RNF220: variants seen among roughly 807,000 people sequenced by gnomAD.
The protein encoded by RNF220 is E3 ubiquitin-protein ligase RNF220.
A neutral mutation model predicts 67.1 loss-of-function variants in RNF220; 7 were observed. The ratio of observed to expected loss-of-function variants is 0.10; its 90% CI spans 0.06 to 0.20. The LOEUF (loss-of-function observed/expected upper bound fraction) is 0.20. Among genes scored for constraint, RNF220 ranks in the 10% least tolerant of loss-of-function variants. The pLI is 1.00. For synonymous variants in RNF220, 270 were observed against 283.2 expected, an observed-to-expected ratio of 0.95 and a Z score of 0.47; for missense variants, 565 against 740.3, an observed-to-expected ratio of 0.76 and a Z score of 2.75.
chr1:44,555,467 A>G (rs552336572), intron 2 of RNF220, among the ~76,000 whole-genome samples: 1 of 151,736 alleles, frequency 6.6e-6, no homozygotes, highest in East Asian at 2.0e-4. Flanking sequence ...GTACCAATTT[A>G]TGTATTTATT....
At chr1:44,560,264 G>A (rs1033964772) in intron 2 of RNF220, among the ~76,000 whole-genome samples, 4 of 152,080 alleles carry the variant, frequency 2.6e-5, no homozygotes, top group African/African-American at 7.2e-5. Flanking sequence ...AAATTCTACC[G>A]CTCTCCCCAG....
intron 8 of RNF220, chr1:44,644,142 T>G (rs1033939854): frequency 6.4e-6 from 1 of 155,876 alleles, no homozygotes; most frequent in African/African-American, 2.4e-5. Flanking sequence ...ATAATTAATG[T>G]CAGGCGCTTC....
At chr1:44,518,231 G>A (rs1014649197) in intron 2 of RNF220, among the ~76,000 whole-genome samples, 3 of 151,908 alleles carry the variant, frequency 2.0e-5, no homozygotes, top group Admixed American at 6.6e-5. Context: ...TTCGAGAATA[G>A]CCTGGGCAAC....
rs889670678 is a variant in RNF220 at position 44,606,855 on chromosome 1, T to C, written c.626-7310T>C. Among the ~76,000 whole-genome samples, 1 of 152,170 alleles carries C rather than the reference T, an allele frequency of 6.6e-6. No individual in the cohort carries two copies. The highest frequency in any genetic ancestry group is 6.5e-5 in the Admixed American group (1 of 15,278). On this transcript the variant is annotated intron_variant, in intron 2 of 14. Transcript: ENST00000361799. The surrounding 1 kb of genome is among the most constrained non-coding windows in gnomAD (Gnocchi z 4.2). ...AGCTTCGGTGCTCTATGTCAATGTC[T>C]CCCGGGTCTAGAACTCTAGCTCTGG...
At chr1:44,515,666 G>C (rs1233431254) in intron 2 of RNF220, among the ~76,000 whole-genome samples, 3 of 152,140 alleles carry the variant, frequency 2.0e-5, no homozygotes, top group Admixed American at 6.5e-5. Context: ...TGCCAGTATA[G>C]GGGAAAATGG....
chr1:44,530,346 T>C (rs1225598748), intron 2 of RNF220, among the ~76,000 whole-genome samples: 2 of 152,134 alleles, frequency 1.3e-5, no homozygotes, highest in Non-Finnish European at 2.9e-5. Flanking sequence ...CCACTGTGGG[T>C]CACCACCACA....
chr1:44,498,620 C>T (rs1014430114), intron 2 of RNF220, among the ~76,000 whole-genome samples: 1 of 152,140 alleles, frequency 6.6e-6, no homozygotes, highest in African/African-American at 2.4e-5. Context: ...AGACCTGCTG[C>T]CCTCATCTGA....
At chr1:44,625,935 A>G (rs1643926695) in intron 4 of RNF220, among the ~76,000 whole-genome samples, 1 of 152,120 alleles carries the variant, frequency 6.6e-6, no homozygotes, top group South Asian at 2.1e-4. Context: ...GGTAGCGGGT[A>G]TATGGCTTTA....
At chr1:44,579,177 A>G (rs1251300844) in intron 2 of RNF220, among the ~76,000 whole-genome samples, 1 of 151,906 alleles carries the variant, frequency 6.6e-6, no homozygotes, top group Admixed American at 6.6e-5. Flanking sequence ...AAAGAAAAAG[A>G]AAGAAAGAAA....
At chr1:44,521,577 G>T (rs554908772) in intron 2 of RNF220, among the ~76,000 whole-genome samples, 1 of 152,234 alleles carries the variant, frequency 6.6e-6, no homozygotes, top group Middle Eastern at 3.4e-3. Context: ...TGTGGGTGTG[G>T]GTGGGGGCAG....
chr1:44,601,559 A>G (rs1666920381), intron 2 of RNF220, among the ~76,000 whole-genome samples: 1 of 152,152 alleles, frequency 6.6e-6, no homozygotes, highest in Admixed American at 6.5e-5. Flanking sequence ...ATTAGGCTAA[A>G]GTAGGAGGAT....
chr1:44,478,644 C>T (rs900154442), intron 2 of RNF220, among the ~76,000 whole-genome samples: 3 of 152,042 alleles, frequency 2.0e-5, no homozygotes, highest in Admixed American at 6.5e-5. Flanking sequence ...ATCACTTGAA[C>T]CTGGGAGGCA....
At chr1:44,633,153 T>G (rs1376323851) in intron 6 of RNF220, among the ~76,000 whole-genome samples, 2 of 152,226 alleles carry the variant, frequency 1.3e-5, no homozygotes, top group Non-Finnish European at 2.9e-5. Flanking sequence ...TCACTTGGTT[T>G]CTGCTGCCAG....
chr1:44,418,841 A>G (rs1311260305), intron 2 of RNF220, among the ~76,000 whole-genome samples: 2 of 152,164 alleles, frequency 1.3e-5, no homozygotes, highest in African/African-American at 4.8e-5. Flanking sequence ...TTCTTTGTAA[A>G]TAATTGAGAT....
At position 44,651,021 on chromosome 1, in the gene RNF220, C is replaced by T; in HGVS notation, c.*246C>T. Reference sequence around the variant, plus strand: ...TTTGGGGGCCATACCTGTTCCAGCTCTGTTCCCAGGGTGGGGCAGGGAGGT... The same window carrying T: ...TTTGGGGGCCATACCTGTTCCAGCTTTGTTCCCAGGGTGGGGCAGGGAGGT... On this transcript the variant is annotated 3_prime_UTR_variant, in exon 15 of 15. Transcript: ENST00000361799. 2.0e-6 allele frequency: 1 copy of T among 500,122 alleles called. No individual in the cohort carries two copies. Among genetic ancestry groups the T allele is most frequent in the Non-Finnish European group, 3.7e-6 (1 of 270,790 alleles). The allele number at this position is 500,122 out of a possible 1,614,324, so 31.0% of individuals were successfully genotyped here.
At chr1:44,490,923 A>G (rs954799268) in intron 2 of RNF220, among the ~76,000 whole-genome samples, 1 of 152,182 alleles carries the variant, frequency 6.6e-6, no homozygotes, top group Non-Finnish European at 1.5e-5. Flanking sequence ...ACTTACAGAA[A>G]TAAAAAAAGC....
At chr1:44,455,440 G>T (rs752908844) in intron 2 of RNF220, among the ~76,000 whole-genome samples, 1 of 152,238 alleles carries the variant, frequency 6.6e-6, no homozygotes, top group Non-Finnish European at 1.5e-5. Flanking sequence ...GGAGCTAGCA[G>T]TGAGACTTTC....
chr1:44,538,880 C>T (rs535583782), intron 2 of RNF220, among the ~76,000 whole-genome samples: 29 of 138,484 alleles, frequency 2.1e-4, no homozygotes, highest in African/African-American at 7.5e-4. Flanking sequence ...CATGCCACTA[C>T]ACTCCAGCCT....
chr1:44,450,783 G>A (rs1302811852), intron 2 of RNF220, among the ~76,000 whole-genome samples: 2 of 152,128 alleles, frequency 1.3e-5, no homozygotes, highest in East Asian at 1.9e-4. Flanking sequence ...CGAACTTTTG[G>A]CACATAGGTT....
Sources: allele counts gnomAD v4.1 joint callset (sites outside exome capture counted in the v4.1 genomes callset), GRCh38; gene constraint gnomAD v4.1.1; non-coding constraint Gnocchi (gnomAD v3.1); transcripts MANE v1.5; gene names NCBI Gene and HGNC (gene_info 2026-07-23, HGNC 2026-07-21).